Variants in HIVEP1 observed in about 807,000 individuals in gnomAD.
HIVEP1 encodes HIVEP zinc finger 1.
A neutral mutation model predicts 180.0 loss-of-function variants in HIVEP1; 36 were observed. That is an observed-to-expected ratio of 0.20 (90% CI 0.15 to 0.26). The LOEUF (loss-of-function observed/expected upper bound fraction) is 0.26, where lower values mean the gene tolerates loss of function less well. Among genes scored for constraint, HIVEP1 ranks in the 10% least tolerant of loss-of-function variants. The probability of loss-of-function intolerance (pLI) is 1.00; values close to 1 mark genes in which losing one functional copy is unlikely to be tolerated. For missense variants in HIVEP1, 3,143 were observed against 3,268.7 expected, an observed-to-expected ratio of 0.96 and a Z score of 0.94; for synonymous variants, 1,239 against 1,239.0, an observed-to-expected ratio of 1.00 and a Z score of 0.00.
chr6:12,200,713 A>G, the HIVEP1 span, among the ~76,000 whole-genome samples: 64,727 of 152,184 alleles, frequency 0.43, 13,943 homozygotes, highest in East Asian at 0.55. Flanking sequence ...AGCATCTCTC[A>G]AGCCAAAGGG....
At chr6:12,180,927 G>A in the HIVEP1 span, among the ~76,000 whole-genome samples, 1 of 152,204 alleles carries the variant, frequency 6.6e-6, no homozygotes, top group Non-Finnish European at 1.5e-5. Context: ...TAAGATAGAC[G>A]TAGCTATATT....
chr6:12,177,027 G>A, the HIVEP1 span, among the ~76,000 whole-genome samples: 3 of 152,186 alleles, frequency 2.0e-5, no homozygotes, highest in East Asian at 1.9e-4. Flanking sequence ...CATGGATGGA[G>A]CTGGAGGCCA....
chr6:12,116,309 G>A (rs922787602), intron 3 of HIVEP1, among the ~76,000 whole-genome samples: 16 of 152,026 alleles, frequency 1.1e-4, no homozygotes, highest in African/African-American at 2.4e-4. Context: ...CTTGGTTCTC[G>A]AGAGAAGGTA....
chr6:12,168,191 CGTGT>C (rs1266575822), downstream of HIVEP1, among the ~76,000 whole-genome samples: 5,218 of 29,116 alleles, frequency 0.18, 1,749 homozygotes, highest in East Asian at 0.49. Context: ...TATAGATATA[CGTGT>C]ATATATACAT....
At chr6:12,155,562 A>T (rs1262065256) in intron 7 of HIVEP1, among the ~76,000 whole-genome samples, 1 of 152,152 alleles carries the variant, frequency 6.6e-6, no homozygotes, top group Non-Finnish European at 1.5e-5. Flanking sequence ...TTCCAAATCC[A>T]TCTATGTCCC....
At chr6:12,050,207 T>C (rs140431614) in intron 2 of HIVEP1, among the ~76,000 whole-genome samples, 1 of 152,362 alleles carries the variant, frequency 6.6e-6, no homozygotes, top group African/African-American at 2.4e-5. Context: ...CTGTTCCACA[T>C]GCTCTCTACT....
the HIVEP1 span, among the ~76,000 whole-genome samples, chr6:12,210,730 T>A: frequency 1.3e-5 from 2 of 152,142 alleles, no homozygotes; most frequent in African/African-American, 4.8e-5. Flanking sequence ...GGAAGATTGA[T>A]TAAATACAAC....
At chr6:12,211,263 G>A in the HIVEP1 span, among the ~76,000 whole-genome samples, 1 of 96,388 alleles carries the variant, frequency 1.0e-5, no homozygotes, top group African/African-American at 5.2e-5. Context: ...AGCCGGGCGT[G>A]GTGGCAGGTG....
intron 6 of HIVEP1, among the ~76,000 whole-genome samples, chr6:12,132,878 T>G (rs1758501352): frequency 6.6e-6 from 1 of 152,210 alleles, no homozygotes; most frequent in South Asian, 2.1e-4. Context: ...CTTTTTGAAG[T>G]CTACTTTTTG....
chr6:12,009,695 G>A (rs1767179772), upstream of HIVEP1, among the ~76,000 whole-genome samples: 1 of 152,188 alleles, frequency 6.6e-6, no homozygotes, highest in Non-Finnish European at 1.5e-5. Context: ...CCTGCATCCT[G>A]ATATCTGGGA....
the HIVEP1 span, among the ~76,000 whole-genome samples, chr6:12,189,771 A>C: frequency 6.6e-6 from 1 of 152,138 alleles, no homozygotes; most frequent in African/African-American, 2.4e-5. Context: ...CATTTCTAGG[A>C]ATTTATTCTT....
chr6:12,109,440 C>T (rs115431191), intron 3 of HIVEP1, among the ~76,000 whole-genome samples: 1,764 of 152,322 alleles, frequency 0.012, 33 homozygotes, highest in African/African-American at 0.04. Flanking sequence ...TCTGCCACTG[C>T]TTTATCAATT....
At chr6:12,176,669 G>A in the HIVEP1 span, among the ~76,000 whole-genome samples, 1 of 151,990 alleles carries the variant, frequency 6.6e-6, no homozygotes, top group Non-Finnish European at 1.5e-5. Context: ...CTTTAAAAAG[G>A]ATACAAAGCA....
At chr6:12,150,193 A>G (rs1167274291) in intron 7 of HIVEP1, among the ~76,000 whole-genome samples, 1 of 152,186 alleles carries the variant, frequency 6.6e-6, no homozygotes, top group African/African-American at 2.4e-5. Flanking sequence ...AAAACATGAT[A>G]TAGCCTCGGG....
intron 2 of HIVEP1, among the ~76,000 whole-genome samples, chr6:12,022,233 C>T (rs564341898): frequency 2.0e-5 from 3 of 151,898 alleles, no homozygotes; most frequent in South Asian, 2.1e-4. Flanking sequence ...TGCAGTGGCA[C>T]GATCTTGGCT....
intron 3 of HIVEP1, among the ~76,000 whole-genome samples, chr6:12,105,396 C>A (rs1774361925): frequency 6.6e-6 from 1 of 152,168 alleles, no homozygotes; most frequent in African/African-American, 2.4e-5. Flanking sequence ...ACAAACCCTC[C>A]CTAATCAAAA....
At chr6:12,180,665 T>C in the HIVEP1 span, among the ~76,000 whole-genome samples, 1 of 152,234 alleles carries the variant, frequency 6.6e-6, no homozygotes, top group South Asian at 2.1e-4. Context: ...CATTGAAAGA[T>C]TGTAAGAGCA....
In HIVEP1 at chr6:12,065,561, G is replaced by T. The variant is rs554447190; in HGVS notation, c.41-23623G>T. 3.9e-5 allele frequency among the ~76,000 whole-genome samples: 6 copies of T among 152,272 alleles called. No homozygotes were observed. In the South Asian group the frequency reaches 1.2e-3, roughly 32 times the overall value. ...CCCGTTCTGGAGGCAAATCTGCCTGGGTTCAAGCTGGTTCTTCCCCTGACG... is the reference window on the plus strand; with the variant it reads ...CCCGTTCTGGAGGCAAATCTGCCTGTGTTCAAGCTGGTTCTTCCCCTGACG... On this transcript the variant is annotated intron_variant, in intron 2 of 8. Transcript: ENST00000379388.
intron 3 of HIVEP1, among the ~76,000 whole-genome samples, chr6:12,117,949 A>G (rs1219280299): frequency 6.6e-6 from 1 of 152,224 alleles, no homozygotes; most frequent in Admixed American, 6.5e-5. Flanking sequence ...AGTTAATGAG[A>G]GTCAAAAAGT....
Sources: allele counts gnomAD v4.1 joint callset (sites outside exome capture counted in the v4.1 genomes callset), GRCh38; gene constraint gnomAD v4.1.1; transcripts MANE v1.5; gene names NCBI Gene and HGNC (gene_info 2026-07-23, HGNC 2026-07-21).